USH2A: variants seen among roughly 807,000 people sequenced by gnomAD.
USH2A encodes the protein Usher syndrome 2A (autosomal recessive, mild).
In USH2A, 443 loss-of-function variants were observed where a neutral mutation model predicts 538.9. That is an observed-to-expected ratio of 0.82 (90% CI 0.76 to 0.89). The LOEUF is 0.89. Ranked by LOEUF, USH2A falls within the 40% of genes least tolerant of loss-of-function variation. The pLI is 0.00. For missense variants in USH2A, 6,633 were observed against 6,324.8 expected, an observed-to-expected ratio of 1.05 and a Z score of -1.65; for synonymous variants, 2,413 against 2,273.5, an observed-to-expected ratio of 1.06 and a Z score of -1.75.
intron 58 of USH2A, among the ~76,000 whole-genome samples, chr1:215,758,374 C>G (rs946404778): frequency 6.6e-6 from 1 of 151,902 alleles, no homozygotes; most frequent in Non-Finnish European, 1.5e-5. Flanking sequence ...TATATACTTA[C>G]ATATCTACAT....
intron 11 of USH2A, among the ~76,000 whole-genome samples, chr1:216,265,401 T>C (rs2036451761): frequency 6.6e-6 from 1 of 152,024 alleles, no homozygotes; most frequent in African/African-American, 2.4e-5. Context: ...TTGGTAGGAA[T>C]GTAAATTAGC....
chr1:215,840,254 A>G (rs1181662209), intron 46 of USH2A, among the ~76,000 whole-genome samples: 2 of 149,376 alleles, frequency 1.3e-5, no homozygotes, highest in African/African-American at 4.9e-5. Context: ...AGATGGGGTT[A>G]GCATAGAGAG....
intron 44 of USH2A, among the ~76,000 whole-genome samples, chr1:215,863,023 C>A (rs984430688): frequency 7.9e-5 from 12 of 152,192 alleles, no homozygotes; most frequent in Non-Finnish European, 1.2e-4. Context: ...GATAGGAAGA[C>A]TCAGGAAAGA....
chr1:216,131,607 G>C (rs543936602), intron 21 of USH2A, among the ~76,000 whole-genome samples: 2 of 151,828 alleles, frequency 1.3e-5, no homozygotes, highest in African/African-American at 4.8e-5. Context: ...ATCAGTAAAG[G>C]GCCAGTATGT....
intron 68 of USH2A, 136 bp from the exon 69 acceptor site, chr1:215,639,374 C>A: frequency 2.5e-6 from 2 of 792,924 alleles, no homozygotes; most frequent in East Asian, 2.7e-5. Context: ...ATATAATATT[C>A]AAAATTACTT....
chr1:215,936,382 A>C (rs1436356186), intron 37 of USH2A, among the ~76,000 whole-genome samples: 2 of 152,104 alleles, frequency 1.3e-5, no homozygotes, highest in African/African-American at 4.8e-5. Flanking sequence ...CAAAGGAAAG[A>C]ACATAAATTT....
intron 46 of USH2A, among the ~76,000 whole-genome samples, chr1:215,839,206 G>A (rs150818527): frequency 6.6e-6 from 1 of 151,994 alleles, no homozygotes; most frequent in Non-Finnish European, 1.5e-5. Context: ...CTGAAATAAA[G>A]GCAGATGAAC....
intron 3 of USH2A, among the ~76,000 whole-genome samples, chr1:216,407,992 G>T (rs1396948240): frequency 1.3e-5 from 2 of 151,032 alleles, no homozygotes; most frequent in Non-Finnish European, 2.9e-5. Flanking sequence ...AATTTTAGTA[G>T]TATATGTGAT....
chr1:216,085,079 C>A, intron 24 of USH2A: 6 of 575,460 alleles, frequency 1.0e-5, no homozygotes, highest in African/African-American at 1.9e-5. Flanking sequence ...CTGGTTCAAA[C>A]CCATCATATC....
chr1:216,309,168 T>C (rs2037375079), intron 9 of USH2A, among the ~76,000 whole-genome samples: 1 of 152,324 alleles, frequency 6.6e-6, no homozygotes, highest in Non-Finnish European at 1.5e-5. Context: ...ATGGACTGAT[T>C]AGAAACAACA....
At position 215,813,890 on chromosome 1, in the gene USH2A, T is replaced by C. The variant is rs139714378; in HGVS notation, c.9585A>G (p.Gly3195=). The C allele has an allele frequency of 2.5e-5, 40 of 1,613,588 alleles. No individual in the cohort carries two copies. The highest frequency in any genetic ancestry group is 3.1e-5 in the Non-Finnish European group (36 of 1,179,776). Residue 3195 remains glycine, a synonymous_variant, in exon 49 of 72, where the codon GGA becomes GGG. Transcript: ENST00000307340. The part of the protein sequence containing the change: ...YSSEAKVCCN[G]VLYNPKPGHR... The stretch of plus-strand genomic sequence containing the variant: ...GTCCAGGCTTGGGGTTATAGAGCAC[T>C]CCGTTACAACAAACCTGAAAGTTTG...
intron 32 of USH2A, among the ~76,000 whole-genome samples, chr1:216,029,751 A>T (rs1027572305): frequency 3.3e-5 from 5 of 151,850 alleles, no homozygotes; most frequent in Admixed American, 3.3e-4. Context: ...AATGAATAAG[A>T]TAGGGCACTT....
chr1:215,825,133 A>T (rs1663118709), intron 47 of USH2A, among the ~76,000 whole-genome samples: 1 of 152,076 alleles, frequency 6.6e-6, no homozygotes, highest in Non-Finnish European at 1.5e-5. Context: ...TTTCTTTTTA[A>T]TTATGTCATA....
chr1:216,043,386 C>G (rs1342963156), intron 32 of USH2A, among the ~76,000 whole-genome samples: 4 of 151,456 alleles, frequency 2.6e-5, no homozygotes, highest in African/African-American at 9.7e-5. Context: ...ATGAAAGCAA[C>G]AAGGAACATA....
intron 32 of USH2A, among the ~76,000 whole-genome samples, chr1:216,028,341 C>A (rs1669017383): frequency 6.6e-6 from 1 of 151,926 alleles, no homozygotes; most frequent in Non-Finnish European, 1.5e-5. Context: ...GAGCCAAAAT[C>A]ATTCTACTAC....
intron 47 of USH2A, among the ~76,000 whole-genome samples, chr1:215,818,878 C>A (rs1662931585): frequency 6.6e-6 from 1 of 151,636 alleles, no homozygotes; most frequent in South Asian, 2.1e-4. Context: ...TTAATAAAGC[C>A]CCAGAGATTT....
chr1:216,384,676 C>T (rs577745607), intron 3 of USH2A, among the ~76,000 whole-genome samples: 1 of 152,068 alleles, frequency 6.6e-6, no homozygotes, highest in Non-Finnish European at 1.5e-5. Flanking sequence ...ATCCACACAC[C>T]TGTTTTTTTT....
intron 64 of USH2A, among the ~76,000 whole-genome samples, chr1:215,669,161 G>C (rs764996378): frequency 6.6e-6 from 1 of 152,086 alleles, no homozygotes; most frequent in Admixed American, 6.5e-5. Context: ...CTTATATATG[G>C]GTCATTAAGT....
intron 37 of USH2A, among the ~76,000 whole-genome samples, chr1:215,935,182 A>T (rs1176603617): frequency 2.6e-5 from 4 of 151,926 alleles, no homozygotes. Flanking sequence ...AAATCCCTGA[A>T]TTTTTTTGGA....
Sources: allele counts gnomAD v4.1 joint callset (sites outside exome capture counted in the v4.1 genomes callset), GRCh38; gene constraint gnomAD v4.1.1; transcripts MANE v1.5; gene names NCBI Gene and HGNC (gene_info 2026-07-23, HGNC 2026-07-21).